ST6GALNAC5: variants seen among roughly 807,000 people sequenced by gnomAD.
ST6GALNAC5 encodes alpha-N-acetylgalactosaminide alpha-2,6-sialyltransferase 5.
A neutral mutation model predicts 33.6 loss-of-function variants in ST6GALNAC5; 27 were observed. The observed-to-expected ratio is 0.80, with a 90% CI of 0.59 to 1.11. ST6GALNAC5 has a LOEUF of 1.11. Among genes scored for constraint, ST6GALNAC5 ranks in the 50% least tolerant of loss-of-function variants. ST6GALNAC5 has a pLI of 0.00. For missense variants in ST6GALNAC5, 428 were observed against 454.0 expected, an observed-to-expected ratio of 0.94 and a Z score of 0.52; for synonymous variants, 194 against 171.2, an observed-to-expected ratio of 1.13 and a Z score of -1.04.
intron 4 of ST6GALNAC5, among the ~76,000 whole-genome samples, chr1:77,052,917 C>CAA (rs34398611): frequency 1.8e-3 from 126 of 69,624 alleles, no homozygotes; most frequent in Non-Finnish European, 2.3e-3. Context: ...GGCTCTGTCT[C>CAA]AAAAAAAAAA....
intron 2 of ST6GALNAC5, among the ~76,000 whole-genome samples, chr1:76,914,859 A>C (rs925344169): frequency 3.3e-5 from 5 of 152,242 alleles, no homozygotes; most frequent in African/African-American, 1.2e-4. Context: ...ATTAAACTCA[A>C]GAACTTCTGC....
At chr1:77,018,156 A>G (rs989375976) in intron 2 of ST6GALNAC5, among the ~76,000 whole-genome samples, 5 of 152,232 alleles carry the variant, frequency 3.3e-5, no homozygotes, top group African/African-American at 1.2e-4. Flanking sequence ...CACAAAATAA[A>G]GAAAAAAGAA....
rs1225613592 is a variant in ST6GALNAC5, at chr1:76,947,363, G to T, written c.261+78621G>T. 2.6e-5 allele frequency among the ~76,000 whole-genome samples: 4 copies of T among 152,038 alleles called. No individual in the cohort carries two copies. The East Asian group carries it at 7.7e-4, about 29-fold the overall frequency. On this transcript the variant is annotated intron_variant, in intron 2 of 4. Transcript: ENST00000477717. Reference sequence around the variant, plus strand: ...TTATTTAAAAATGACAGAAGTATTGGAAGTTTATCATTCAAACCACCTTAA... The same window carrying T: ...TTATTTAAAAATGACAGAAGTATTGTAAGTTTATCATTCAAACCACCTTAA...
At position 76,870,018 on chromosome 1, in the gene ST6GALNAC5, G is replaced by A. The variant is rs796595837; in HGVS notation, c.261+1276G>A. 3.0e-4 allele frequency among the ~76,000 whole-genome samples: 46 copies of A among 151,974 alleles called. 1 individual carries two copies. The highest frequency in any genetic ancestry group is 1.1e-3 in the African/African-American group (46 of 41,506). Reference sequence around the variant, plus strand: ...TTTGCAATGAGAAGAATTCAGGGAAGCAAAAAAGGAGGAATCAATTTCATT... The same window carrying A: ...TTTGCAATGAGAAGAATTCAGGGAAACAAAAAAGGAGGAATCAATTTCATT... On this transcript the variant is annotated intron_variant, in intron 2 of 4. Coordinates refer to ENST00000477717, the MANE Select transcript of ST6GALNAC5 (RefSeq NM_030965.3).
At chr1:76,996,847 G>C (rs1390248456) in intron 2 of ST6GALNAC5, among the ~76,000 whole-genome samples, 1 of 152,104 alleles carries the variant, frequency 6.6e-6, no homozygotes, top group Non-Finnish European at 1.5e-5. Context: ...TGTGAGGTGG[G>C]AATCATATTA....
rs1293547638 is a variant in ST6GALNAC5 at position 77,065,504 on chromosome 1, A to AT, written c.*2304dup. ...ATGTAGCTAGGATATGTGATTTCAT[A>AT]TTTTTTAAAAATGTGGTGTAAATAA... On this transcript the variant is annotated 3_prime_UTR_variant, in exon 5 of 5. Coordinates refer to ENST00000477717, the MANE Select transcript of ST6GALNAC5 (RefSeq NM_030965.3). The AT allele has an allele frequency of 6.6e-6, 1 of 152,188 alleles. No homozygotes were observed. The highest frequency in any genetic ancestry group is 2.4e-5 in the African/African-American group (1 of 41,438). 9.4% of individuals were successfully genotyped at this position (152,188 alleles called of 1,614,324 possible).
At chr1:76,919,267 G>A (rs183208647) in intron 2 of ST6GALNAC5, among the ~76,000 whole-genome samples, 65 of 152,126 alleles carry the variant, frequency 4.3e-4, no homozygotes, top group Non-Finnish European at 8.1e-4. Flanking sequence ...AGTGCCTCCC[G>A]TCTTGGGCTG....
At chr1:77,046,450 G>A (rs1652012055) in intron 3 of ST6GALNAC5, among the ~76,000 whole-genome samples, 1 of 152,194 alleles carries the variant, frequency 6.6e-6, no homozygotes, top group Non-Finnish European at 1.5e-5. Context: ...ACTGCACCAG[G>A]CAGGAGGCAT....
chr1:76,975,449 A>T (rs1056305765), intron 2 of ST6GALNAC5, among the ~76,000 whole-genome samples: 1 of 152,194 alleles, frequency 6.6e-6, no homozygotes, highest in African/African-American at 2.4e-5. Context: ...TTAATTCAGC[A>T]GGGTGAGAAT....
chr1:76,891,106 G>A (rs762861491), intron 2 of ST6GALNAC5, among the ~76,000 whole-genome samples: 2 of 152,180 alleles, frequency 1.3e-5, no homozygotes, highest in South Asian at 2.1e-4. Flanking sequence ...ATACCTAGGA[G>A]TAGAATTGCT....
intron 2 of ST6GALNAC5, among the ~76,000 whole-genome samples, chr1:76,895,625 A>T (rs1654113437): frequency 6.6e-6 from 1 of 152,216 alleles, no homozygotes; most frequent in African/African-American, 2.4e-5. Flanking sequence ...TTATTTATTT[A>T]CTTCAAGAGT....
intron 2 of ST6GALNAC5, among the ~76,000 whole-genome samples, chr1:77,020,707 C>A (rs1391873859): frequency 6.6e-6 from 1 of 152,196 alleles, no homozygotes; most frequent in East Asian, 1.9e-4. Flanking sequence ...GGCCTTATGC[C>A]ATGCCTCTTA....
chr1:76,948,498 G>A (rs1207194523), intron 2 of ST6GALNAC5, among the ~76,000 whole-genome samples: 1 of 151,024 alleles, frequency 6.6e-6, no homozygotes, highest in East Asian at 2.0e-4. Flanking sequence ...CTCATACAAA[G>A]TCCCAAAAGC....
At chr1:76,928,876 A>T (rs1219246685) in intron 2 of ST6GALNAC5, among the ~76,000 whole-genome samples, 1 of 152,142 alleles carries the variant, frequency 6.6e-6, no homozygotes, top group Non-Finnish European at 1.5e-5. Flanking sequence ...CGGGCCTGTC[A>T]TCTGCATTTC....
Position 76,923,344 on chromosome 1 carries a change from G to A in ST6GALNAC5, c.261+54602G>A, listed in dbSNP as rs952857975. On this transcript the variant is annotated intron_variant, in intron 2 of 4. Transcript: ENST00000477717. ...GAATGGAGACTTACAGCCATTGGAC[G>A]GGGTTTGGAACAGTCCATGTGGAAG... 4.0e-5 allele frequency among the ~76,000 whole-genome samples: 6 copies of A among 151,870 alleles called. No homozygotes were observed. In the East Asian group the frequency reaches 5.8e-4, roughly 15 times the overall value.
chr1:77,013,252 ACT>A (rs1650707935), intron 2 of ST6GALNAC5, among the ~76,000 whole-genome samples: 1 of 151,954 alleles, frequency 6.6e-6, no homozygotes, highest in Non-Finnish European at 1.5e-5. Flanking sequence ...ATGAAGTCAG[ACT>A]CTGTTTCTGA....
At chr1:76,976,728 T>C (rs764469256) in intron 2 of ST6GALNAC5, among the ~76,000 whole-genome samples, 8 of 152,198 alleles carry the variant, frequency 5.3e-5, no homozygotes, top group Non-Finnish European at 8.8e-5. Flanking sequence ...TTTAATTTCC[T>C]CTATTTTTAT....
intron 3 of ST6GALNAC5, among the ~76,000 whole-genome samples, chr1:77,048,338 T>A (rs1470036917): frequency 6.6e-6 from 1 of 152,200 alleles, no homozygotes; most frequent in African/African-American, 2.4e-5. Flanking sequence ...AAGTGAGCTG[T>A]CATCCTCTTC....
Position 76,880,709 on chromosome 1 carries a change from C to T in ST6GALNAC5, c.261+11967C>T, listed in dbSNP as rs1305914829. Among the ~76,000 whole-genome samples, 3 of 152,170 alleles carry T rather than the reference C, an allele frequency of 2.0e-5. No individual in the cohort carries two copies. The East Asian group carries it at 5.8e-4, about 29-fold the overall frequency. On this transcript the variant is annotated intron_variant, in intron 2 of 4. Coordinates refer to ENST00000477717, the MANE Select transcript of ST6GALNAC5 (RefSeq NM_030965.3). ...ATCAGATTAAGGGTGGATCTGCCTTCCCCAGCTCACTGACTCAAATGTTAA... is the reference window on the plus strand; with the variant it reads ...ATCAGATTAAGGGTGGATCTGCCTTTCCCAGCTCACTGACTCAAATGTTAA...
Sources: gnomAD v4.1 joint callset for allele counts (sites outside exome capture counted in the v4.1 genomes callset) on GRCh38, gnomAD v4.1.1 for gene constraint, MANE v1.5 for transcripts, NCBI Gene and HGNC (gene_info 2026-07-23, HGNC 2026-07-21) for gene names.